The following DAB1 variants were observed in gnomAD, a reference collection of about 807,000 sequenced individuals.
DAB1 encodes the protein disabled homolog 1.
DAB1 carries 15 observed loss-of-function variants against 64.6 expected under a neutral mutation model. The ratio of observed to expected loss-of-function variants is 0.23; its 90% confidence interval spans 0.16 to 0.36. The LOEUF (loss-of-function observed/expected upper bound fraction) is 0.36, where lower values mean the gene tolerates loss of function less well. Ranked by LOEUF, DAB1 falls within the 10% of genes least tolerant of loss-of-function variation. The probability of loss-of-function intolerance (pLI) is 1.00; values close to 1 mark genes in which losing one functional copy is unlikely to be tolerated. For synonymous variants in DAB1, 235 were observed against 251.9 expected, an observed-to-expected ratio of 0.93 and a Z score of 0.64; for missense variants, 596 against 706.7, an observed-to-expected ratio of 0.84 and a Z score of 1.78.
intron 1 of DAB1, among the ~76,000 whole-genome samples, chr1:57,833,380 C>A (rs1035585995): frequency 6.6e-6 from 1 of 152,094 alleles, no homozygotes; most frequent in Admixed American, 6.6e-5. Flanking sequence ...GACATTATTT[C>A]ATTTAATTCT....
At chr1:57,682,672 A>G (rs1558606328) in intron 6 of DAB1, among the ~76,000 whole-genome samples, 2 of 152,080 alleles carry the variant, frequency 1.3e-5, no homozygotes, top group African/African-American at 4.8e-5. Flanking sequence ...GTGAACTGGC[A>G]AGGGGCTTTG....
At chr1:57,866,585 A>G (rs1394153120) in intron 1 of DAB1, among the ~76,000 whole-genome samples, 1 of 152,174 alleles carries the variant, frequency 6.6e-6, no homozygotes, top group Non-Finnish European at 1.5e-5. Flanking sequence ...TTTTCCAGCT[A>G]TCTAACCCAG....
chr1:57,115,711 G>A (rs1458039712), intron 4 of DAB1, among the ~76,000 whole-genome samples: 1 of 152,178 alleles, frequency 6.6e-6, no homozygotes, highest in Non-Finnish European at 1.5e-5. Flanking sequence ...AAAGGCTCAG[G>A]AAGAAGGCAA....
chr1:57,426,859 AAT>A (rs998763894), upstream of DAB1, among the ~76,000 whole-genome samples: 22 of 122,786 alleles, frequency 1.8e-4, no homozygotes, highest in Admixed American at 3.9e-4. Context: ...TAAATGAGAT[AAT>A]ATATATATAT....
At chr1:58,229,157 C>T (rs1046285679) in intron 4 of DAB1, among the ~76,000 whole-genome samples, 2 of 152,072 alleles carry the variant, frequency 1.3e-5, no homozygotes, top group Non-Finnish European at 2.9e-5. Context: ...CTTTTAGAGA[C>T]AGGGTCTCAC....
chr1:57,271,880 A>G (rs1478328503), intron 2 of DAB1, among the ~76,000 whole-genome samples: 4 of 152,178 alleles, frequency 2.6e-5, no homozygotes, highest in African/African-American at 9.7e-5. Flanking sequence ...ATAGGTGGCC[A>G]CCATCAGAGC....
intron 2 of DAB1, among the ~76,000 whole-genome samples, chr1:57,151,510 C>T (rs930755142): frequency 3.9e-5 from 6 of 152,066 alleles, no homozygotes; most frequent in Admixed American, 3.9e-4. Context: ...TGAGATTCTG[C>T]ACCAGCCAGA....
chr1:57,236,030 A>G lies in DAB1; in HGVS notation c.67+54934T>C, dbSNP rs553173194. ...GGGGTGGTACCCTGATATCTAGTTT[A>G]ACATCTTGAGTTCAAAGGTATTTGG... On this transcript the variant is annotated intron_variant, in intron 2 of 14. Transcript: ENST00000371236. 1.5e-3 allele frequency among the ~76,000 whole-genome samples: 232 copies of G among 152,314 alleles called. 1 individual carries two copies. The highest frequency in any genetic ancestry group is 5.3e-3 in the African/African-American group (220 of 41,564).
At chr1:58,004,334 A>T (rs1487190717) in intron 5 of DAB1, among the ~76,000 whole-genome samples, 3 of 152,186 alleles carry the variant, frequency 2.0e-5, no homozygotes, top group Non-Finnish European at 4.4e-5. Flanking sequence ...AGCTATTTAA[A>T]TGCAGCTCTG....
intron 5 of DAB1, among the ~76,000 whole-genome samples, chr1:58,030,834 A>G (rs1180004987): frequency 6.6e-6 from 1 of 152,256 alleles, no homozygotes; most frequent in Non-Finnish European, 1.5e-5. Flanking sequence ...TCAAAAATGT[A>G]TGAACCACTT....
chr1:57,178,386 T>C (rs1340719465), intron 2 of DAB1, among the ~76,000 whole-genome samples: 1 of 151,904 alleles, frequency 6.6e-6, no homozygotes, highest in Non-Finnish European at 1.5e-5. Flanking sequence ...ATTCATATAA[T>C]GGTTACTAAA....
At chr1:57,244,173 A>G (rs1668698940) in intron 2 of DAB1, among the ~76,000 whole-genome samples, 1 of 152,108 alleles carries the variant, frequency 6.6e-6, no homozygotes, top group South Asian at 2.1e-4. Context: ...TTTCTGTCCC[A>G]TGCCCTTTTT....
chr1:57,156,387 C>T (rs1660224841), intron 2 of DAB1, among the ~76,000 whole-genome samples: 1 of 152,194 alleles, frequency 6.6e-6, no homozygotes. Flanking sequence ...TCTTCTCCAA[C>T]TGTCTCCTCT....
chr1:57,575,820 G>A (rs1424543987), intron 7 of DAB1, among the ~76,000 whole-genome samples: 2 of 152,072 alleles, frequency 1.3e-5, no homozygotes, highest in African/African-American at 4.8e-5. Context: ...CCTATACCCT[G>A]GAGAAACAAC....
At chr1:57,770,421 C>G (rs1049318277) in intron 6 of DAB1, among the ~76,000 whole-genome samples, 5 of 152,186 alleles carry the variant, frequency 3.3e-5, no homozygotes, top group African/African-American at 1.2e-4. Context: ...GTGTATGACA[C>G]CATGCCCAGT....
chr1:57,256,151 G>A (rs938611123), intron 2 of DAB1, among the ~76,000 whole-genome samples: 4 of 152,032 alleles, frequency 2.6e-5, no homozygotes, highest in African/African-American at 7.2e-5. Flanking sequence ...CCAAATTAAC[G>A]GCTAATCTCA....
At chr1:57,295,175 G>C (rs1673087040) in intron 1 of DAB1, among the ~76,000 whole-genome samples, 1 of 152,062 alleles carries the variant, frequency 6.6e-6, no homozygotes, top group Admixed American at 6.6e-5. Flanking sequence ...ACAACATCAT[G>C]ACTATAATAA....
intron 2 of DAB1, among the ~76,000 whole-genome samples, chr1:57,249,573 T>C (rs557696340): frequency 6.6e-6 from 1 of 152,280 alleles, no homozygotes; most frequent in South Asian, 2.1e-4. Context: ...GGTTTCACCA[T>C]GTTGCCCTGG....
intron 3 of DAB1, among the ~76,000 whole-genome samples, chr1:58,344,998 T>A (rs1213655): frequency 0.24 from 35,827 of 152,086 alleles, 4,608 homozygotes; most frequent in East Asian, 0.48. Flanking sequence ...CACCTATAGA[T>A]GCATTTGCTC....
Sources: allele counts gnomAD v4.1 joint callset (sites outside exome capture counted in the v4.1 genomes callset), GRCh38; gene constraint gnomAD v4.1.1; transcripts MANE v1.5; gene names NCBI Gene and HGNC (gene_info 2026-07-23, HGNC 2026-07-21).